Variants in HEATR1 observed in about 807,000 individuals in gnomAD.
HEATR1 encodes the protein HEAT repeat containing 1, also known as HEAT repeat-containing protein 1.
Under a neutral mutation model 248.2 loss-of-function variants are expected in HEATR1, and 77 were observed. The ratio of observed to expected loss-of-function variants is 0.31; its 90% CI spans 0.26 to 0.37. The LOEUF (loss-of-function observed/expected upper bound fraction) is 0.37, where lower values mean the gene tolerates loss of function less well. Among genes scored for constraint, HEATR1 ranks in the 10% least tolerant of loss-of-function variants. The probability of loss-of-function intolerance (pLI) is 1.00; values close to 1 mark genes in which losing one functional copy is unlikely to be tolerated. For missense variants in HEATR1, 2,420 were observed against 2,504.9 expected, an observed-to-expected ratio of 0.97 and a Z score of 0.72; for synonymous variants, 897 against 923.1, an observed-to-expected ratio of 0.97 and a Z score of 0.51.
In HEATR1 at chr1:236,553,755, C is replaced by A. The variant is rs369789078; in HGVS notation, c.6079-16G>T. 3.8e-6 allele frequency: 6 copies of A among 1,595,812 alleles called. No homozygotes were observed. The highest frequency in any genetic ancestry group is 5.1e-6 in the Non-Finnish European group (6 of 1,171,862). On this transcript the variant is annotated splice_polypyrimidine_tract_variant and intron_variant, in intron 42 of 44. Coordinates refer to ENST00000366582, the MANE Select transcript of HEATR1 (RefSeq NM_018072.6). Reference sequence around the variant, plus strand: ...TGTTTTCCAGCTAGGAAGAGTAAGACAAAGACTTTGAACAACAAGTCTCAT... The same window carrying A: ...TGTTTTCCAGCTAGGAAGAGTAAGAAAAAGACTTTGAACAACAAGTCTCAT...
intron 23 of HEATR1, among the ~76,000 whole-genome samples, 163 bp downstream of exon 23, chr1:236,574,498 A>G: frequency 6.6e-6 from 1 of 152,188 alleles, no homozygotes; most frequent in East Asian, 1.9e-4. Flanking sequence ...CAGTTTTCAA[A>G]AATGGGTCAA....
At position 236,583,193 on chromosome 1, in the gene HEATR1, T is replaced by C. The variant is rs895039767; in HGVS notation, c.2245A>G (p.Ile749Val). The C allele has an allele frequency of 6.3e-7, 1 of 1,585,166 alleles. No homozygotes were observed. Among genetic ancestry groups the C allele is most frequent in the East Asian group, 2.2e-5 (1 of 44,514 alleles). Residue 749 changes from isoleucine (I) to valine (V), a missense_variant, in exon 18 of 45, where the codon ATC becomes GTC. Physicochemically the swap from Ile to Val is conservative, Grantham distance 29. Coordinates refer to ENST00000366582, the MANE Select transcript of HEATR1 (RefSeq NM_018072.6). ...KLESVITAVE[I>V]PSEWHIELML... is the part of the protein sequence containing the mutation. Reference sequence around the variant, plus strand: ...AGTTCAATGTGCCATTCTGAGGGGATTTCCTGAAATGTTAAAGGAAACAAA... The same window carrying C: ...AGTTCAATGTGCCATTCTGAGGGGACTTCCTGAAATGTTAAAGGAAACAAA...
intron 29 of HEATR1, 38 bp downstream of exon 29, chr1:236,568,957 TA>T: frequency 4.4e-6 from 6 of 1,356,144 alleles, no homozygotes; most frequent in East Asian, 2.9e-5. Context: ...ATTTTTAAAT[TA>T]AAAAAAGAAA....
At position 236,589,628 on chromosome 1, in the gene HEATR1, G is replaced by C. The variant is rs1303824092; in HGVS notation, c.1530+1219C>G. 2.6e-5 allele frequency among the ~76,000 whole-genome samples: 4 copies of C among 152,260 alleles called. No individual in the cohort carries two copies. The East Asian group carries it at 7.7e-4, about 29-fold the overall frequency. ...TTTTACTGATCATATGATTTTACTTGTAGTAAGAATCTGCTTCTAATTGCT... is the reference window on the plus strand; with the variant it reads ...TTTTACTGATCATATGATTTTACTTCTAGTAAGAATCTGCTTCTAATTGCT... On this transcript the variant is annotated intron_variant, in intron 12 of 44. Coordinates refer to ENST00000366582, the MANE Select transcript of HEATR1 (RefSeq NM_018072.6).
At chr1:236,578,704 C>T (rs1170854221) in intron 20 of HEATR1, among the ~76,000 whole-genome samples, 1 of 152,108 alleles carries the variant, frequency 6.6e-6, no homozygotes, top group Non-Finnish European at 1.5e-5. Flanking sequence ...AGGATTTTTA[C>T]ATAATATTAT....
At chr1:236,592,925 TG>T (rs1664079801) in intron 9 of HEATR1, among the ~76,000 whole-genome samples, 1 of 152,222 alleles carries the variant, frequency 6.6e-6, no homozygotes, top group South Asian at 2.1e-4. Flanking sequence ...TAAATGGTGC[TG>T]GCTCACGCCT....
chr1:236,571,733 C>CAATT, intron 26 of HEATR1, 47 bp from the exon 27 acceptor site: 1 of 1,384,730 alleles, frequency 7.2e-7, no homozygotes, highest in Non-Finnish European at 1.0e-6. Context: ...AAAAGTTGTA[C>CAATT]AATTCATTGT....
chr1:236,598,310 C>T (rs749935086), intron 4 of HEATR1, among the ~76,000 whole-genome samples: 3 of 152,174 alleles, frequency 2.0e-5, no homozygotes, highest in African/African-American at 7.2e-5. Flanking sequence ...CACTATGATA[C>T]GCTTCTGTCA....
intron 36 of HEATR1, among the ~76,000 whole-genome samples, 153 bp downstream of exon 36, chr1:236,558,084 G>A (rs1558177906): frequency 6.6e-6 from 1 of 151,852 alleles, no homozygotes; most frequent in Non-Finnish European, 1.5e-5. Context: ...GATCACAGCC[G>A]TGAGCCACCA....
At chr1:236,551,139 C>T in intron 44 of HEATR1, 149 bp from the exon 45 acceptor site, 1 of 621,148 alleles carries the variant, frequency 1.6e-6, no homozygotes, top group East Asian at 2.8e-5. Flanking sequence ...CAGGAGGCGC[C>T]ACGGACCGCC....
intron 28 of HEATR1, among the ~76,000 whole-genome samples, chr1:236,570,078 G>A (rs1193837903): frequency 1.3e-5 from 2 of 152,080 alleles, no homozygotes; most frequent in South Asian, 2.1e-4. Flanking sequence ...CATGACATCA[G>A]GAGATCGAGA....
chr1:236,592,585 A>G lies in HEATR1; in HGVS notation c.1242T>C (p.Asp414=). 1 of 1,531,840 alleles carries G rather than the reference A, an allele frequency of 6.5e-7. No homozygotes were observed. The highest frequency in any genetic ancestry group is 1.7e-5 in the Admixed American group (1 of 59,110). The allele number at this position is 1,531,840 out of a possible 1,614,324, so 94.9% of individuals were successfully genotyped here. The change falls in exon 10 of 45, where the codon GAT becomes GAC. Residue 414 remains aspartate, a synonymous_variant. Coordinates refer to ENST00000366582, the MANE Select transcript of HEATR1 (RefSeq NM_018072.6). ...YISYSSQEEM[D]SNKVSLLNEQ... ...CATTAAGCAAAGACACTTTATTAGA[A>G]TCCATTTCTTCCTGTGAACTATATG...
At chr1:236,592,464 CAT>C in intron 10 of HEATR1, 57 bp downstream of exon 10, 3 of 742,916 alleles carry the variant, frequency 4.0e-6, no homozygotes, top group Non-Finnish European at 7.1e-6. Context: ...ACTTGTGAAT[CAT>C]ATCTTTATAG....
At chr1:236,603,514 A>C in intron 2 of HEATR1, 138 bp from the exon 3 acceptor site, 1 of 663,458 alleles carries the variant, frequency 1.5e-6, no homozygotes, top group South Asian at 2.0e-5. Flanking sequence ...AGTCCCAAAC[A>C]CTGATTTCTA....
chr1:236,587,316 TA>T (rs927416077), intron 14 of HEATR1, 85 bp downstream of exon 14: 12,719 of 454,980 alleles, frequency 0.028, no homozygotes, highest in South Asian at 0.04. Context: ...ATCAAAGCCT[TA>T]AAAAAAAAAA....
intron 20 of HEATR1, among the ~76,000 whole-genome samples, chr1:236,577,624 G>C (rs919907192): frequency 6.6e-6 from 1 of 151,884 alleles, no homozygotes; most frequent in African/African-American, 2.4e-5. Context: ...AAGTAGCTGG[G>C]ATTACAGGCA....
intron 3 of HEATR1, among the ~76,000 whole-genome samples, chr1:236,600,317 G>A (rs958954005): frequency 2.0e-5 from 3 of 150,682 alleles, no homozygotes; most frequent in Non-Finnish European, 4.4e-5. Context: ...CTTTAGTAGA[G>A]ATGGGGTTTC....
In HEATR1 at chr1:236,566,811, A is replaced by G. The variant is rs972779241; in HGVS notation, c.4143T>C (p.Ser1381=). 4 of 1,614,020 alleles carry G rather than the reference A, an allele frequency of 2.5e-6. No individual in the cohort carries two copies. Among genetic ancestry groups the G allele is most frequent in the East Asian group, 4.5e-5 (2 of 44,874 alleles). Residue 1381 remains serine (S), a synonymous_variant, in exon 30 of 45, where the codon AGT becomes AGC. Transcript: ENST00000366582. The part of the protein sequence containing the change: ...NVEEIVVKII[S]VFVDALPHVP... ...CGTGTGGCAGCGCATCCACAAATAC[A>G]CTAATGATTTTTACCACAATCTCTT...
In HEATR1 at chr1:236,569,790, C is replaced by T. The variant is rs528408440; in HGVS notation, c.3949-666G>A. 2.6e-5 allele frequency among the ~76,000 whole-genome samples: 4 copies of T among 152,004 alleles called. No homozygotes were observed. In the East Asian group the frequency reaches 7.7e-4, roughly 29 times the overall value. ...CAATTCCACTCCTAGGTATATATACCCAGGAGATATGAAAACATGTCCACA... is the reference window on the plus strand; with the variant it reads ...CAATTCCACTCCTAGGTATATATACTCAGGAGATATGAAAACATGTCCACA... On this transcript the variant is annotated intron_variant, in intron 28 of 44. Coordinates refer to ENST00000366582, the MANE Select transcript of HEATR1 (RefSeq NM_018072.6).
Sources: gnomAD v4.1 joint callset for allele counts (sites outside exome capture counted in the v4.1 genomes callset) on GRCh38, gnomAD v4.1.1 for gene constraint, MANE v1.5 for transcripts, NCBI Gene and HGNC (gene_info 2026-07-23, HGNC 2026-07-21) for gene names.